LPP: variants seen among roughly 807,000 people sequenced by gnomAD.
LPP encodes lipoma-preferred partner.
Under a neutral mutation model 60.4 loss-of-function variants are expected in LPP, and 38 were observed. The observed-to-expected ratio is 0.63, with a 90% confidence interval of 0.49 to 0.83. The LOEUF (loss-of-function observed/expected upper bound fraction) is 0.83. Ranked by LOEUF, LPP falls within the 40% of genes least tolerant of loss-of-function variation. LPP has a pLI of 0.00. For synonymous variants in LPP, 328 were observed against 290.8 expected (o/e 1.13, Z -1.30); for missense variants, 902 against 783.6 (o/e 1.15, Z -1.80).
At chr3:188,789,373 C>T (rs898505118) in intron 9 of LPP, among the ~76,000 whole-genome samples, 1 of 152,148 alleles carries the variant, frequency 6.6e-6, no homozygotes, top group Non-Finnish European at 1.5e-5. Flanking sequence ...AAGCTGGGCC[C>T]AGGGGGCTGG....
chr3:188,404,002 A>T (rs573694630), intron 3 of LPP, among the ~76,000 whole-genome samples: 2 of 152,138 alleles, frequency 1.3e-5, no homozygotes, highest in Non-Finnish European at 2.9e-5. Context: ...CTTCAATAGC[A>T]TGTGTCCTGA....
chr3:188,407,997 A>G (rs1025311634), intron 4 of LPP, among the ~76,000 whole-genome samples: 3 of 152,010 alleles, frequency 2.0e-5, no homozygotes, highest in African/African-American at 7.2e-5. Context: ...CACATTGGTC[A>G]GGCTGGTCTT....
intron 7 of LPP, among the ~76,000 whole-genome samples, chr3:188,689,029 A>G (rs1012165214): frequency 5.3e-5 from 8 of 152,222 alleles, no homozygotes; most frequent in Non-Finnish European, 7.3e-5. Context: ...ATGAGATGTG[A>G]TTGACACAGC....
chr3:188,390,157 G>T (rs1208919319), intron 3 of LPP, among the ~76,000 whole-genome samples: 1 of 152,264 alleles, frequency 6.6e-6, no homozygotes, highest in African/African-American at 2.4e-5. Flanking sequence ...TCACAGGCCT[G>T]CTCCTGCCCC....
intron 9 of LPP, among the ~76,000 whole-genome samples, chr3:188,808,626 T>C (rs923173636): frequency 2.6e-5 from 4 of 152,146 alleles, no homozygotes; most frequent in African/African-American, 9.7e-5. Context: ...TCCTGAAGCC[T>C]GCACCACAAC....
At chr3:188,204,900 A>G (rs1256521624) in intron 1 of LPP, among the ~76,000 whole-genome samples, 1 of 152,260 alleles carries the variant, frequency 6.6e-6, no homozygotes, top group Non-Finnish European at 1.5e-5. Flanking sequence ...AAGATGAGCT[A>G]TAGAGAATTT....
intron 6 of LPP, among the ~76,000 whole-genome samples, chr3:188,528,932 CAA>C (rs909122594): frequency 6.6e-6 from 1 of 151,446 alleles, no homozygotes; most frequent in Non-Finnish European, 1.5e-5. Context: ...TTCAGAAGGT[CAA>C]AAAAAATTAA....
At chr3:188,667,189 T>C (rs1855967727) in intron 7 of LPP, among the ~76,000 whole-genome samples, 1 of 152,078 alleles carries the variant, frequency 6.6e-6, no homozygotes, top group South Asian at 2.1e-4. Flanking sequence ...AAATCTTCGG[T>C]AGGAGTTGGC....
rs375483583 is a variant in LPP at position 188,466,804 on chromosome 3, A to AATATATATATATATATATATATATATAT, written c.194-17787_194-17786insTATATATATATATATATATATATATATA. 1.1e-4 allele frequency among the ~76,000 whole-genome samples: 8 copies of AATATATATATATATATATATATATATAT among 72,952 alleles called. 1 individual carries two copies. Among genetic ancestry groups the AATATATATATATATATATATATATATAT allele is most frequent in the African/African-American group, 1.4e-4 (3 of 20,756 alleles). 47.9% of individuals were successfully genotyped at this position (72,952 alleles called of 152,430 possible). A position where few individuals can be genotyped will look rare whatever the true frequency, so the allele number is the denominator to read the frequency against. The stretch of plus-strand genomic sequence containing the variant: ...AAAAAAGTGGTTTCTGTCATCTCAG[A>AATATATATATATATATATATATATATAT]ACATATATATATATATATATATATA... On this transcript the variant is annotated intron_variant, in intron 4 of 11. Transcript: ENST00000617246.
chr3:188,311,667 G>A (rs1393185582), intron 2 of LPP, among the ~76,000 whole-genome samples: 1 of 148,914 alleles, frequency 6.7e-6, no homozygotes, highest in Non-Finnish European at 1.5e-5. Context: ...TCTGTTTTCT[G>A]TCTTGCTGTC....
chr3:188,352,726 G>A lies in LPP; in HGVS notation c.-10+11007G>A, dbSNP rs1017883841. On this transcript the variant is annotated intron_variant, in intron 3 of 11. Coordinates refer to ENST00000617246, the MANE Select transcript of LPP (RefSeq NM_001375462.1). This position sits in a 1 kb window ranked among gnomAD's most constrained non-coding sequence, Gnocchi z 4.4. ...AGCTGCATGCACGGCACTGAGCCCT[G>A]CCTGAGTGCGCACTTCAGTCCTGAA... Among the ~76,000 whole-genome samples, 1 of 152,184 alleles carries A rather than the reference G, an allele frequency of 6.6e-6. No homozygotes were observed. The highest frequency in any genetic ancestry group is 2.4e-5 in the African/African-American group (1 of 41,438).
chr3:188,651,753 G>A (rs1350204801), intron 7 of LPP, among the ~76,000 whole-genome samples: 3 of 152,088 alleles, frequency 2.0e-5, no homozygotes, highest in Non-Finnish European at 4.4e-5. Flanking sequence ...CACGGGAAAG[G>A]CCTGCCCCCA....
chr3:188,242,248 T>G (rs1577497117), intron 2 of LPP, among the ~76,000 whole-genome samples: 2 of 152,316 alleles, frequency 1.3e-5, no homozygotes, highest in African/African-American at 4.8e-5. Context: ...CTACTGGGTT[T>G]GTTCAACCTA....
At position 188,799,976 on chromosome 3, in the gene LPP, C is replaced by A. The variant is rs114847810; in HGVS notation, c.1410+39694C>A. On this transcript the variant is annotated intron_variant, in intron 9 of 11. Transcript: ENST00000617246. ...TGTGTATTATAAACCTATATACGTG[C>A]GTATGTATACACACACAGTAGTACA... is the stretch of plus-strand genomic sequence containing the variant. Among the ~76,000 whole-genome samples, 619 of 152,172 alleles carry A rather than the reference C, an allele frequency of 4.1e-3. 4 individuals carry two copies. The highest frequency in any genetic ancestry group is 0.014 in the African/African-American group (601 of 41,506).
At chr3:188,518,681 C>T (rs150915958) in intron 5 of LPP, among the ~76,000 whole-genome samples, 287 of 152,256 alleles carry the variant, frequency 1.9e-3, no homozygotes, top group African/African-American at 6.6e-3. Flanking sequence ...GGTTGTCTAC[C>T]TCAGAGATTC....
chr3:188,872,680 A>G lies in LPP; in HGVS notation c.1627A>G (p.Ile543Val), dbSNP rs760602289. The change falls in exon 11 of 12, where the codon ATT becomes GTT. Residue 543 changes from isoleucine (I) to valine (V), a missense_variant. By Grantham distance (29) the Ile-to-Val change is conservative. Coordinates refer to ENST00000617246, the MANE Select transcript of LPP (RefSeq NM_001375462.1). ...GCGATGTTCTGTGTGCAAGGAGCCTATTATGCCAGCCCCGGGCCAGGAGGA... is the reference window on the plus strand; with the variant it reads ...GCGATGTTCTGTGTGCAAGGAGCCTGTTATGCCAGCCCCGGGCCAGGAGGA... ...APRCSVCKEP[I>V]MPAPGQEETV... 1.2e-5 allele frequency: 20 copies of G among 1,614,102 alleles called. No homozygotes were observed. The highest frequency in any genetic ancestry group is 1.7e-5 in the Non-Finnish European group (20 of 1,180,016).
Position 188,664,436 on chromosome 3 carries a change from G to A in LPP, c.1114-43831G>A, listed in dbSNP as rs571346688. Among the ~76,000 whole-genome samples the A allele has an allele frequency of 2.0e-5, 3 of 152,296 alleles. No homozygotes were observed. The South Asian group carries it at 6.2e-4, about 32-fold the overall frequency. ...TCACCTATTTCTTTGACTACCAAAAGACTTCTGGTTTTAATAAAACAACTG... is the reference window on the plus strand; with the variant it reads ...TCACCTATTTCTTTGACTACCAAAAAACTTCTGGTTTTAATAAAACAACTG... On this transcript the variant is annotated intron_variant, in intron 7 of 11. Coordinates refer to ENST00000617246, the MANE Select transcript of LPP (RefSeq NM_001375462.1).
intron 1 of LPP, among the ~76,000 whole-genome samples, chr3:188,210,880 G>A (rs187986084): frequency 5.3e-5 from 8 of 152,096 alleles, no homozygotes; most frequent in East Asian, 3.9e-4. Flanking sequence ...TAATTTTGAC[G>A]TCCCACGCCC....
chr3:188,474,165 A>G (rs937200830), intron 4 of LPP, among the ~76,000 whole-genome samples: 4 of 152,224 alleles, frequency 2.6e-5, no homozygotes, highest in Admixed American at 2.6e-4. Context: ...TTTTGTACCA[A>G]TAATAATTTA....
Sources: gnomAD v4.1 joint callset for allele counts (sites outside exome capture counted in the v4.1 genomes callset) on GRCh38, gnomAD v4.1.1 for gene constraint, Gnocchi (gnomAD v3.1) non-coding constraint, MANE v1.5 for transcripts, NCBI Gene and HGNC (gene_info 2026-07-23, HGNC 2026-07-21) for gene names.